The following NUTM1 variants were observed in gnomAD, a reference collection of about 807,000 sequenced individuals.
NUTM1 encodes the protein NUT midline carcinoma family member 1, also known as NUT family member 1.
NUTM1 carries 39 observed loss-of-function variants against 88.7 expected under a neutral mutation model. That is an observed-to-expected ratio of 0.44 (90% CI 0.34 to 0.57). The LOEUF is 0.57. NUTM1 is among the 20% of genes least tolerant of loss of function. NUTM1 has a pLI of 0.01. For synonymous variants in NUTM1, 494 were observed against 538.0 expected, an observed-to-expected ratio of 0.92 and a Z score of 1.13; for missense variants, 1,350 against 1,414.5, an observed-to-expected ratio of 0.95 and a Z score of 0.73.
intron 1 of NUTM1, among the ~76,000 whole-genome samples, chr15:34,345,103 G>T (rs1314775544): frequency 1.3e-5 from 2 of 152,092 alleles, no homozygotes; most frequent in African/African-American, 4.8e-5. Context: ...AAAGAGAAAA[G>T]ATATCTCAGA....
In NUTM1 at chr15:34,347,984, G is replaced by T; in HGVS notation, c.116G>T (p.Gly39Val). Residue 39 changes from glycine (G) to valine (V), a missense_variant, in exon 3 of 8, where the codon GGA (glycine) becomes GTA (valine). Physicochemically the swap from Gly to Val is moderately radical, Grantham distance 109. This residue lies in a region of NUTM1 where 399 missense variants were observed against 397.9 expected (regional missense o/e 1.00). Transcript: ENST00000537011. ...GTCTCAACAGCATCTGCATTGCCGG[G>T]ACCGGATATGAGCATGAAACCTAGT... ...MASDGASALP[G>V]PDMSMKPSAA... is the part of the protein sequence containing the mutation. The T allele has an allele frequency of 1.2e-6, 2 of 1,609,708 alleles. No individual in the cohort carries two copies. The highest frequency in any genetic ancestry group is 8.5e-7 in the Non-Finnish European group (1 of 1,176,910).
At chr15:34,353,608 A>T in intron 4 of NUTM1, 128 bp from the exon 5 acceptor site, 1 of 1,058,400 alleles carries the variant, frequency 9.4e-7, no homozygotes, top group Non-Finnish European at 1.4e-6. Context: ...CTCCTGGGTG[A>T]CATGACTTAG....
At chr15:34,347,828 G>C in intron 2 of NUTM1, 141 bp from the exon 3 acceptor site, 1 of 479,262 alleles carries the variant, frequency 2.1e-6, no homozygotes, top group Non-Finnish European at 3.5e-6. Context: ...ACTCCAGCCT[G>C]GGCGACAGAG....
rs1890778393 is a variant in NUTM1 at position 34,355,127 on chromosome 15, C to T, written c.1469C>T (p.Thr490Ile). Residue 490 changes from threonine to isoleucine, a missense_variant, in exon 7 of 8, where the codon ACT (threonine) becomes ATT (isoleucine). This residue lies in a region of NUTM1 where 126 missense variants were observed against 189.8 expected (regional missense o/e 0.66). Coordinates refer to ENST00000537011, the MANE Select transcript of NUTM1 (RefSeq NM_001284292.2). This position sits in a 1 kb window ranked among gnomAD's most constrained non-coding sequence, Gnocchi z 4.3. ...GAGCTAGAGCAAGAAGAAGGACTCA[C>T]TCTTGCCCAGGTAAAACTGGGGTAT... is the stretch of plus-strand genomic sequence containing the variant. ...IEELEQEEGL[T>I]LAQLVQKRLM... The T allele has an allele frequency of 1.2e-6, 2 of 1,602,844 alleles. No individual in the cohort carries two copies. The highest frequency in any genetic ancestry group is 1.3e-5 in the African/African-American group (1 of 74,722).
Position 34,357,010 on chromosome 15 carries a change from C to G in NUTM1, c.3002C>G (p.Thr1001Ser). ...TCTTCTCACCAGGGCCTTGGAAGCA[C>G]TTTGCCTAGAAGGGGAACCAGGAAT... ...ATSSHQGLGSTLPRRGTRNAI... is the reference protein window; with the variant it reads ...ATSSHQGLGSSLPRRGTRNAI... The change falls in exon 8 of 8, where the codon ACT becomes AGT. Residue 1001 changes from threonine to serine, a missense_variant. This residue lies in a region of NUTM1 where 730 missense variants were observed against 728.8 expected (regional missense o/e 1.00). Coordinates refer to ENST00000537011, the MANE Select transcript of NUTM1 (RefSeq NM_001284292.2). 1 of 1,613,816 alleles carries G rather than the reference C, an allele frequency of 6.2e-7. No homozygotes were observed. Among genetic ancestry groups the G allele is most frequent in the Non-Finnish European group, 8.5e-7 (1 of 1,179,986 alleles).
In NUTM1 at chr15:34,356,948, T is replaced by C. The variant is rs1426715728; in HGVS notation, c.2940T>C (p.Ser980=). ...AAAACCTTGCTCCTTTACAAGAGAG[T>C]CAGGAGTCTTACACAACTGGGACTC... The part of the protein sequence containing the change: ...KPKNLAPLQE[S]QESYTTGTPK... The change falls in exon 8 of 8, where the codon AGT becomes AGC. Residue 980 remains serine (S), a synonymous_variant. Transcript: ENST00000537011. 1 of 1,613,342 alleles carries C rather than the reference T, an allele frequency of 6.2e-7. No homozygotes were observed. The highest frequency in any genetic ancestry group is 8.5e-7 in the Non-Finnish European group (1 of 1,179,884).
chr15:34,350,519 C>T (rs559358131), intron 3 of NUTM1, among the ~76,000 whole-genome samples, 185 bp from the exon 4 acceptor site: 95 of 152,034 alleles, frequency 6.2e-4, no homozygotes, highest in Non-Finnish European at 1.6e-4. Flanking sequence ...GGAAGAGGGG[C>T]GAGTATGGTA....
intron 5 of NUTM1, 84 bp downstream of exon 5, chr15:34,353,956 C>T: frequency 6.8e-7 from 1 of 1,474,642 alleles, no homozygotes; most frequent in South Asian, 1.2e-5. Context: ...TTAGAGAAGG[C>T]ATAGCCCAGG....
rs758195856 is a variant in NUTM1 at position 34,348,423 on chromosome 15, C to A, written c.555C>A (p.Gly185=). ...GTGTCAGCCAGGAGGGTCCTCCAGG[C>A]CTTCCGCCTCAGCCTCCACCACCAG... is the stretch of plus-strand genomic sequence containing the variant. The part of the protein sequence containing the change: ...AVGVSQEGPP[G]LPPQPPPPVA... The change falls in exon 3 of 8, where the codon GGC becomes GGA. Residue 185 remains glycine, a synonymous_variant. Coordinates refer to ENST00000537011, the MANE Select transcript of NUTM1 (RefSeq NM_001284292.2). 4 of 1,614,022 alleles carry A rather than the reference C, an allele frequency of 2.5e-6. No individual in the cohort carries two copies. Among genetic ancestry groups the A allele is most frequent in the African/African-American group, 1.3e-5 (1 of 74,940 alleles).
Position 34,353,810 on chromosome 15 carries a change from C to T in NUTM1, c.1013C>T (p.Pro338Leu). ...ATGAATGGGTCTCAGGGCCTGTCTC[C>T]TGCAACCCCTTTGAAACTTGATCCT... ...QLMNGSQGLS[P>L]ATPLKLDPLG... Residue 338 changes from proline (P) to leucine (L), a missense_variant, in exon 5 of 8, where the codon CCT becomes CTT. Pro to Leu is a moderately conservative substitution (Grantham distance 98). Around this residue, in one of 5 missense-constraint regions of NUTM1, gnomAD observed 89 missense variants for 76.0 expected, o/e 1.17. Coordinates refer to ENST00000537011, the MANE Select transcript of NUTM1 (RefSeq NM_001284292.2). 2 of 1,614,154 alleles carry T rather than the reference C, an allele frequency of 1.2e-6. No homozygotes were observed. The highest frequency in any genetic ancestry group is 1.7e-6 in the Non-Finnish European group (2 of 1,180,022).
intron 3 of NUTM1, among the ~76,000 whole-genome samples, chr15:34,349,022 G>T (rs761089557): frequency 1.3e-5 from 2 of 152,096 alleles, no homozygotes; most frequent in African/African-American, 4.8e-5. Flanking sequence ...TCCTCCCCCC[G>T]TTCTATTTTA....
chr15:34,344,845 C>T (rs1227049695), intron 1 of NUTM1, among the ~76,000 whole-genome samples: 5 of 151,928 alleles, frequency 3.3e-5, no homozygotes, highest in African/African-American at 9.7e-5. Flanking sequence ...AGTGAAACCC[C>T]GTCTCTACTA....
At position 34,356,625 on chromosome 15, in the gene NUTM1, G is replaced by T; in HGVS notation, c.2617G>T (p.Glu873Ter). The change falls in exon 8 of 8, where the codon GAA becomes TAA. Residue 873 changes from glutamate (E) to a stop codon, truncating the protein, a stop_gained. Coordinates refer to ENST00000537011, the MANE Select transcript of NUTM1 (RefSeq NM_001284292.2). LOFTEE classifies it high-confidence loss of function. ...LWAEGCFPLL[E>*]SGDSTLGSSK... is the part of the protein sequence containing the mutation. ...GGCAGAAGGTTGCTTCCCATTGCTAGAAAGTGGTGATTCCACACTGGGGTC... is the reference window on the plus strand; with the variant it reads ...GGCAGAAGGTTGCTTCCCATTGCTATAAAGTGGTGATTCCACACTGGGGTC... 1 of 1,613,966 alleles carries T rather than the reference G, an allele frequency of 6.2e-7. No individual in the cohort carries two copies. Among genetic ancestry groups the T allele is most frequent in the Non-Finnish European group, 8.5e-7 (1 of 1,179,992 alleles).
At chr15:34,353,708 T>C (rs1890748286) in intron 4 of NUTM1, 28 bp from the exon 5 acceptor site, 1 of 1,613,718 alleles carries the variant, frequency 6.2e-7, no homozygotes, top group East Asian at 2.2e-5. Flanking sequence ...CTTCTCAGCA[T>C]TGCCTATGCC....
chr15:34,357,432 A>G lies in NUTM1; in HGVS notation c.3424A>G (p.Lys1142Glu). Residue 1142 changes from lysine (K) to glutamate (E), a missense_variant, in exon 8 of 8, where the codon AAA becomes GAA. Physicochemically the swap from Lys to Glu is moderately conservative, Grantham distance 56. Transcript: ENST00000537011. ...AGTAGTTCGACCCTCACAGCCTCGT[A>G]AAAGGCGGTGTGACAGTTTTGTCAC... ...LGVVRPSQPR[K>E]RRCDSFVTGR... is the part of the protein sequence containing the mutation. 1.2e-6 allele frequency: 2 copies of G among 1,613,344 alleles called. No homozygotes were observed. The highest frequency in any genetic ancestry group is 1.7e-6 in the Non-Finnish European group (2 of 1,179,762).
At chr15:34,349,661 C>T (rs1890671530) in intron 3 of NUTM1, among the ~76,000 whole-genome samples, 1 of 152,194 alleles carries the variant, frequency 6.6e-6, no homozygotes, top group Non-Finnish European at 1.5e-5. Flanking sequence ...ACACATACCA[C>T]ATTTTATTGC....
rs1191588077 is a variant in NUTM1, at chr15:34,347,984, G to A, written c.116G>A (p.Gly39Glu). ...GTCTCAACAGCATCTGCATTGCCGG[G>A]ACCGGATATGAGCATGAAACCTAGT... ...MASDGASALP[G>E]PDMSMKPSAA... Residue 39 changes from glycine (G) to glutamate (E), a missense_variant, in exon 3 of 8, where the codon GGA becomes GAA. By Grantham distance (98) the Gly-to-Glu change is moderately conservative (BLOSUM62 -2). This residue lies in a region of NUTM1 where 399 missense variants were observed against 397.9 expected (regional missense o/e 1.00). Coordinates refer to ENST00000537011, the MANE Select transcript of NUTM1 (RefSeq NM_001284292.2). The A allele has an allele frequency of 5.6e-6, 9 of 1,609,588 alleles. No individual in the cohort carries two copies. Among genetic ancestry groups the A allele is most frequent in the Non-Finnish European group, 7.6e-6 (9 of 1,176,918 alleles).
chr15:34,355,749 G>T lies in NUTM1; in HGVS notation c.1741G>T (p.Asp581Tyr). 1.2e-6 allele frequency: 2 copies of T among 1,614,188 alleles called. No individual in the cohort carries two copies. The highest frequency in any genetic ancestry group is 1.7e-6 in the Non-Finnish European group (2 of 1,180,018). The change falls in exon 8 of 8, where the codon GAT becomes TAT. Residue 581 changes from aspartate to tyrosine, a missense_variant. Transcript: ENST00000537011. This position sits in a 1 kb window ranked among gnomAD's most constrained non-coding sequence, Gnocchi z 4.3. ...AGATAGCCCCAGAGGGATGCACAGG[G>T]ATGGGAACACTCTGCCATCCCCCAG... Reference protein sequence around the residue: ...ALDSPRGMHRDGNTLPSPSSW... With the variant: ...ALDSPRGMHRYGNTLPSPSSW...
chr15:34,349,650 A>G (rs1488014256), intron 3 of NUTM1, among the ~76,000 whole-genome samples: 2 of 152,156 alleles, frequency 1.3e-5, no homozygotes, highest in African/African-American at 4.8e-5. Flanking sequence ...GCCGCTATAT[A>G]ACACATACCA....
Sources: gnomAD v4.1 joint callset for allele counts (sites outside exome capture counted in the v4.1 genomes callset) on GRCh38, gnomAD v4.1.1 for gene constraint, gnomAD v4.1.1 regional missense constraint, Gnocchi (gnomAD v3.1) non-coding constraint, MANE v1.5 for transcripts, NCBI Gene and HGNC (gene_info 2026-07-23, HGNC 2026-07-21) for gene names.